The following ACACA variants were observed in gnomAD, a reference collection of about 807,000 sequenced individuals.
The protein encoded by ACACA is acetyl-CoA carboxylase alpha.
In ACACA, 103 loss-of-function variants were observed where a neutral mutation model predicts 296.1. The ratio of observed to expected loss-of-function variants is 0.35; its 90% CI spans 0.30 to 0.41. ACACA has a LOEUF of 0.41. Ranked by LOEUF, ACACA falls within the 10% of genes least tolerant of loss-of-function variation. The pLI, the probability that ACACA is intolerant of heterozygous loss-of-function variation, is 1.00. For synonymous variants in ACACA, 953 were observed against 1,038.6 expected (o/e 0.92, Z 1.58); for missense variants, 1,554 against 2,989.7 (o/e 0.52, Z 11.20).
intron 42 of ACACA, among the ~76,000 whole-genome samples, chr17:37,159,772 T>C (rs887422027): frequency 2.6e-5 from 4 of 152,124 alleles, no homozygotes; most frequent in Non-Finnish European, 5.9e-5. Context: ...AATCAAAATA[T>C]AGAATATTTC....
intron 45 of ACACA, among the ~76,000 whole-genome samples, chr17:37,149,209 A>G (rs1328965834): frequency 6.6e-6 from 1 of 152,192 alleles, no homozygotes; most frequent in African/African-American, 2.4e-5. Flanking sequence ...AAGGGAAGAT[A>G]AATCTTTATG....
chr17:37,121,429 A>G lies in ACACA; in HGVS notation c.6200T>C (p.Ile2067Thr), dbSNP rs769558872. The stretch of plus-strand genomic sequence containing the variant: ...CAGCCCTTCCCGGTTGAAGTCCTTG[A>G]TGGCCTGATACGTCTTAAACGCAGA... ...PDSAFKTYQA[I>T]KDFNREGLPL... The change falls in exon 50 of 56, where the codon ATC becomes ACC. Residue 2067 changes from isoleucine to threonine, a missense_variant. Coordinates refer to ENST00000616317, the MANE Select transcript of ACACA (RefSeq NM_198834.3). 1 of 1,614,166 alleles carries G rather than the reference A, an allele frequency of 6.2e-7. No individual in the cohort carries two copies. Among genetic ancestry groups the G allele is most frequent in the Non-Finnish European group, 8.5e-7 (1 of 1,180,026 alleles).
chr17:37,104,796 C>T (rs1357007843), intron 52 of ACACA, among the ~76,000 whole-genome samples: 8 of 151,928 alleles, frequency 5.3e-5, no homozygotes, highest in East Asian at 1.9e-4. Flanking sequence ...TTAAAATTAG[C>T]GGAATGTGGT....
intron 1 of ACACA, 140 bp downstream of exon 1, chr17:37,406,122 C>T (rs1175763639): frequency 2.4e-5 from 22 of 909,562 alleles, no homozygotes; most frequent in Non-Finnish European, 3.6e-5. Flanking sequence ...GGGATAACAA[C>T]AGGTGCCTAC....
At chr17:37,370,711 G>A (rs901522090) in intron 1 of ACACA, among the ~76,000 whole-genome samples, 8 of 151,396 alleles carry the variant, frequency 5.3e-5, no homozygotes, top group Admixed American at 1.3e-4. Context: ...GGCCAGGTAC[G>A]GTGACTCATC....
chr17:37,287,846 T>G (rs1267000626), intron 3 of ACACA, among the ~76,000 whole-genome samples: 2 of 152,118 alleles, frequency 1.3e-5, no homozygotes, highest in African/African-American at 2.4e-5. Context: ...GGCTATGCAC[T>G]CTGCTGTTGG....
At chr17:37,154,934 CA>C (rs1484376175) in intron 43 of ACACA, among the ~76,000 whole-genome samples, 3 of 152,218 alleles carry the variant, frequency 2.0e-5, no homozygotes, top group Non-Finnish European at 2.9e-5. Flanking sequence ...TCAATGTTGG[CA>C]GGGGTGAAGA....
intron 46 of ACACA, 117 bp downstream of exon 46, chr17:37,129,958 T>C: frequency 7.1e-7 from 1 of 1,400,236 alleles, no homozygotes; most frequent in Non-Finnish European, 1.0e-6. Context: ...TTCAGAGAAA[T>C]ATTTTATAAA....
At chr17:37,289,052 C>T (rs1453934425) in intron 3 of ACACA, among the ~76,000 whole-genome samples, 1 of 152,030 alleles carries the variant, frequency 6.6e-6, no homozygotes, top group African/African-American at 2.4e-5. Context: ...CACTTGAGGT[C>T]AGGAGTTCGA....
intron 3 of ACACA, chr17:37,289,363 T>C (rs935307441): frequency 1.0e-6 from 1 of 965,192 alleles, no homozygotes. Context: ...TAAAGAACTG[T>C]TACTAATGGT....
rs201826340 is a variant in ACACA, at chr17:37,291,159, C to G, written c.339-6189G>C. On this transcript the variant is annotated intron_variant, in intron 3 of 55. Coordinates refer to ENST00000616317, the MANE Select transcript of ACACA (RefSeq NM_198834.3). The stretch of plus-strand genomic sequence containing the variant: ...AAAAACACATACACACACACACACA[C>G]ACACACACATCTCATAATATTTGTT... Among the ~76,000 whole-genome samples the G allele has an allele frequency of 6.0e-5, 6 of 100,128 alleles. No homozygotes were observed. The South Asian group carries it at 2.1e-3, about 36-fold the overall frequency. 65.7% of individuals were successfully genotyped at this position (100,128 alleles called of 152,430 possible).
At chr17:37,194,936 C>T (rs4795179) in intron 35 of ACACA, among the ~76,000 whole-genome samples, 1 of 150,840 alleles carries the variant, frequency 6.6e-6, no homozygotes, top group East Asian at 1.9e-4. Flanking sequence ...CTCTGACACC[C>T]CCCCCACCCG....
chr17:37,285,938 T>C (rs2082747357), intron 3 of ACACA, among the ~76,000 whole-genome samples: 1 of 152,148 alleles, frequency 6.6e-6, no homozygotes, highest in Non-Finnish European at 1.5e-5. Context: ...GTCGCCCAGG[T>C]TGGAATGCAC....
rs1159833885 is a variant in ACACA, at chr17:37,129,594, C to T, written c.5824-109G>A. On this transcript the variant is annotated intron_variant, in intron 46 of 55. Coordinates refer to ENST00000616317, the MANE Select transcript of ACACA (RefSeq NM_198834.3). ...ACAGCAGGGCCCACGTATGGAATTG[C>T]ACCCAATAGTCCCAATCTTCAGCTG... 2.8e-6 allele frequency: 4 copies of T among 1,411,278 alleles called. No individual in the cohort carries two copies. The East Asian group carries it at 9.3e-5, about 33-fold the overall frequency. 87.4% of individuals were successfully genotyped at this position (1,411,278 alleles called of 1,614,324 possible). A position where few individuals can be genotyped will look rare whatever the true frequency, so the allele number is the denominator to read the frequency against.
chr17:37,396,843 G>C (rs2051098011), intron 1 of ACACA, among the ~76,000 whole-genome samples: 1 of 151,998 alleles, frequency 6.6e-6, no homozygotes, highest in South Asian at 2.1e-4. Context: ...TGACACAATG[G>C]CCCTCAGGTT....
chr17:37,338,523 G>A (rs150200199), intron 2 of ACACA, among the ~76,000 whole-genome samples: 35 of 151,226 alleles, frequency 2.3e-4, no homozygotes, highest in African/African-American at 6.6e-4. Flanking sequence ...CGAGCGTGGC[G>A]CATGCCTGTA....
chr17:37,313,408 A>G (rs1181199047), intron 3 of ACACA, among the ~76,000 whole-genome samples: 2 of 152,206 alleles, frequency 1.3e-5, no homozygotes, highest in African/African-American at 4.8e-5. Flanking sequence ...TTTCATTTCA[A>G]CAAACAGTAT....
At chr17:37,362,970 T>A (rs1290226443) in intron 1 of ACACA, among the ~76,000 whole-genome samples, 1 of 125,246 alleles carries the variant, frequency 8.0e-6, no homozygotes, top group Non-Finnish European at 1.6e-5. Context: ...CGAGACTCCG[T>A]CTCAAAAAAA....
intron 43 of ACACA, among the ~76,000 whole-genome samples, chr17:37,151,853 G>A (rs971374079): frequency 2.0e-5 from 3 of 152,012 alleles, no homozygotes; most frequent in African/African-American, 7.2e-5. Flanking sequence ...GTAGGGACGG[G>A]GTTTCACCGT....
Sources: gnomAD v4.1 joint callset for allele counts (sites outside exome capture counted in the v4.1 genomes callset) on GRCh38, gnomAD v4.1.1 for gene constraint, MANE v1.5 for transcripts, NCBI Gene and HGNC (gene_info 2026-07-23, HGNC 2026-07-21) for gene names.